Variants in NAALADL2 observed in about 807,000 individuals in gnomAD.
NAALADL2 encodes the protein inactive N-acetylated-alpha-linked acidic dipeptidase-like protein 2.
Under a neutral mutation model 87.2 loss-of-function variants are expected in NAALADL2, and 76 were observed. That is an observed-to-expected ratio of 0.87 (90% CI 0.72 to 1.05). The LOEUF is 1.05. Among genes scored for constraint, NAALADL2 ranks in the 50% least tolerant of loss-of-function variants. The probability of loss-of-function intolerance (pLI) is 0.00; values close to 1 mark genes in which losing one functional copy is unlikely to be tolerated. For missense variants in NAALADL2, 1,089 were observed against 945.8 expected, an observed-to-expected ratio of 1.15 and a Z score of -1.99; for synonymous variants, 354 against 331.0, an observed-to-expected ratio of 1.07 and a Z score of -0.75.
intron 3 of NAALADL2, among the ~76,000 whole-genome samples, chr3:174,833,396 C>CA (rs1338010452): frequency 1.3e-5 from 2 of 152,020 alleles, no homozygotes; most frequent in African/African-American, 4.8e-5. Flanking sequence ...TACAGTTAAG[C>CA]AAAACAAATT....
chr3:174,461,426 T>C (rs1416950245), intron 1 of NAALADL2, among the ~76,000 whole-genome samples: 1 of 151,860 alleles, frequency 6.6e-6, no homozygotes, highest in Non-Finnish European at 1.5e-5. Context: ...ATGGGTAGTA[T>C]TGTGGGTAAG....
intron 2 of NAALADL2, among the ~76,000 whole-genome samples, chr3:174,614,958 A>G (rs1720308375): frequency 6.6e-6 from 1 of 152,208 alleles, no homozygotes; most frequent in East Asian, 1.9e-4. Flanking sequence ...AACTCCACAA[A>G]TTACGTAGCC....
At chr3:175,319,711 T>A (rs59396955) in intron 4 of NAALADL2, among the ~76,000 whole-genome samples, 2 of 152,102 alleles carry the variant, frequency 1.3e-5, no homozygotes, top group African/African-American at 2.4e-5. Flanking sequence ...TCCCAGCTAC[T>A]TGGGAGACTG....
intron 11 of NAALADL2, among the ~76,000 whole-genome samples, chr3:175,685,219 T>C (rs1172806497): frequency 6.6e-6 from 1 of 152,176 alleles, no homozygotes; most frequent in Non-Finnish European, 1.5e-5. Flanking sequence ...CTTTAGGCTT[T>C]GCCCACCTCC....
At chr3:175,636,075 A>T (rs1728488479) in intron 11 of NAALADL2, among the ~76,000 whole-genome samples, 1 of 152,094 alleles carries the variant, frequency 6.6e-6, no homozygotes, top group South Asian at 2.1e-4. Flanking sequence ...ATAATAAAAG[A>T]TTCCCCTACA....
rs539071794 is a variant in NAALADL2, at chr3:175,493,973, C to T, written c.1653+22215C>T. Among the ~76,000 whole-genome samples, 6 of 152,128 alleles carry T rather than the reference C, an allele frequency of 3.9e-5. No homozygotes were observed. In the South Asian group the frequency reaches 1.0e-3, roughly 26 times the overall value. ...ATTGGTGTAATTTCATCCTCTCTAT[C>T]TTGTTTGTAACATACAAGGCTTAAA... On this transcript the variant is annotated intron_variant, in intron 9 of 13. Transcript: ENST00000454872.
intron 1 of NAALADL2, among the ~76,000 whole-genome samples, chr3:174,887,341 T>G (rs530976565): frequency 6.6e-6 from 1 of 152,312 alleles, no homozygotes; most frequent in East Asian, 1.9e-4. Flanking sequence ...AATTGATATA[T>G]AAAGAGATTA....
chr3:175,160,399 T>G (rs1733006333), intron 2 of NAALADL2, among the ~76,000 whole-genome samples: 1 of 108,894 alleles, frequency 9.2e-6, no homozygotes, highest in Admixed American at 1.1e-4. Context: ...GAGTTAGAGG[T>G]TTGCTCTTGT....
intron 2 of NAALADL2, among the ~76,000 whole-genome samples, chr3:175,179,259 A>T (rs1214546230): frequency 1.3e-5 from 2 of 151,946 alleles, no homozygotes; most frequent in Non-Finnish European, 2.9e-5. Flanking sequence ...TGTAATTCCA[A>T]CAGCTAACTC....
intron 11 of NAALADL2, among the ~76,000 whole-genome samples, chr3:175,652,547 C>G (rs1300026010): frequency 6.8e-6 from 1 of 146,082 alleles, no homozygotes; most frequent in African/African-American, 2.6e-5. Context: ...GGTGCCATCT[C>G]GGCTCACTGC....
chr3:174,859,782 A>T (rs552271718), intron 1 of NAALADL2, among the ~76,000 whole-genome samples: 2 of 152,246 alleles, frequency 1.3e-5, no homozygotes, highest in East Asian at 3.9e-4. Context: ...GTGCATTTTC[A>T]TGTTGGACCT....
At chr3:175,332,998 T>C (rs1046513167) in intron 5 of NAALADL2, among the ~76,000 whole-genome samples, 3 of 152,206 alleles carry the variant, frequency 2.0e-5, no homozygotes, top group African/African-American at 7.2e-5. Context: ...TTTACTTTCA[T>C]TCTATATGTG....
At chr3:175,660,728 A>G (rs1474660553) in intron 11 of NAALADL2, among the ~76,000 whole-genome samples, 1 of 152,014 alleles carries the variant, frequency 6.6e-6, no homozygotes, top group East Asian at 1.9e-4. Context: ...TCACCTTTAT[A>G]GCTCCCACAT....
chr3:175,195,136 A>T (rs1738787866), intron 2 of NAALADL2, among the ~76,000 whole-genome samples: 1 of 151,658 alleles, frequency 6.6e-6, no homozygotes, highest in African/African-American at 2.4e-5. Flanking sequence ...ATGATAGTTT[A>T]TTTGGATGAT....
At chr3:174,784,064 T>C (rs1272198887) in intron 3 of NAALADL2, among the ~76,000 whole-genome samples, 1 of 152,214 alleles carries the variant, frequency 6.6e-6, no homozygotes, top group Non-Finnish European at 1.5e-5. Flanking sequence ...TATTGAATGC[T>C]TACTATATAT....
intron 6 of NAALADL2, among the ~76,000 whole-genome samples, chr3:175,449,471 C>T (rs1451809492): frequency 6.7e-5 from 10 of 149,540 alleles, no homozygotes; most frequent in African/African-American, 2.5e-4. Flanking sequence ...TCTCGGCTCA[C>T]TGCAAGCTCC....
intron 1 of NAALADL2, among the ~76,000 whole-genome samples, chr3:174,905,020 A>G (rs1275982459): frequency 1.3e-5 from 2 of 151,832 alleles, no homozygotes; most frequent in East Asian, 3.9e-4. Context: ...ATAATTAGTA[A>G]TTCTATAGCA....
chr3:174,884,287 G>A (rs879163407), intron 1 of NAALADL2, among the ~76,000 whole-genome samples: 4 of 152,106 alleles, frequency 2.6e-5, no homozygotes, highest in African/African-American at 4.8e-5. Flanking sequence ...TATGTTGGAC[G>A]CTGATTCAGA....
Position 175,212,935 on chromosome 3 carries a change from T to G in NAALADL2, c.546-20996T>G, listed in dbSNP as rs536555415. 1.7e-4 allele frequency among the ~76,000 whole-genome samples: 26 copies of G among 152,224 alleles called. 2 individuals carry two copies. In the South Asian group the frequency reaches 4.8e-3, roughly 28 times the overall value. On this transcript the variant is annotated intron_variant, in intron 2 of 13. Transcript: ENST00000454872. ...TGGCTGATTTGTGCCAAAATGGCTCTCTGGAGTGGGTGAGTGGAGCAAGTA... is the reference window on the plus strand; with the variant it reads ...TGGCTGATTTGTGCCAAAATGGCTCGCTGGAGTGGGTGAGTGGAGCAAGTA...
Sources: allele counts gnomAD v4.1 joint callset (sites outside exome capture counted in the v4.1 genomes callset), GRCh38; gene constraint gnomAD v4.1.1; transcripts MANE v1.5; gene names NCBI Gene and HGNC (gene_info 2026-07-23, HGNC 2026-07-21).